The following AGPAT3 variants were observed in gnomAD, a reference collection of about 807,000 sequenced individuals.
AGPAT3 encodes the protein 1-acylglycerol-3-phosphate O-acyltransferase 3, also known as 1-acyl-sn-glycerol-3-phosphate acyltransferase gamma.
In AGPAT3, 5 loss-of-function variants were observed where a neutral mutation model predicts 47.3. The ratio of observed to expected loss-of-function variants is 0.11; its 90% CI spans 0.06 to 0.22. The LOEUF (loss-of-function observed/expected upper bound fraction) is 0.22, where lower values mean the gene tolerates loss of function less well. Ranked by LOEUF, AGPAT3 falls within the 10% of genes least tolerant of loss-of-function variation. The probability of loss-of-function intolerance (pLI) is 1.00; values close to 1 mark genes in which losing one functional copy is unlikely to be tolerated. For synonymous variants in AGPAT3, 212 were observed against 208.3 expected (o/e 1.02, Z -0.15); for missense variants, 315 against 493.0 (o/e 0.64, Z 3.42).
chr21:43,949,501 T>A (rs1442872347), intron 2 of AGPAT3, among the ~76,000 whole-genome samples: 1 of 152,222 alleles, frequency 6.6e-6, no homozygotes. Context: ...GGCAACGCTC[T>A]AAAGACTGTC....
chr21:43,946,323 G>A (rs759325808), intron 2 of AGPAT3, among the ~76,000 whole-genome samples: 1 of 152,024 alleles, frequency 6.6e-6, no homozygotes, highest in Non-Finnish European at 1.5e-5. Flanking sequence ...CATGAGGCCA[G>A]GCACAGTGGC....
chr21:43,943,670 A>G (rs1310769088), intron 2 of AGPAT3, among the ~76,000 whole-genome samples: 1 of 152,038 alleles, frequency 6.6e-6, no homozygotes, highest in Non-Finnish European at 1.5e-5. Context: ...GCCAGGCCTC[A>G]GCCGCCACGG....
chr21:43,936,832 C>T (rs573290909), intron 2 of AGPAT3, among the ~76,000 whole-genome samples: 15 of 152,314 alleles, frequency 9.8e-5, no homozygotes, highest in African/African-American at 3.1e-4. Context: ...TGTGCCTCAG[C>T]GAAAAGGGCT....
intron 2 of AGPAT3, among the ~76,000 whole-genome samples, chr21:43,928,616 A>G (rs972346848): frequency 2.6e-5 from 4 of 152,210 alleles, no homozygotes; most frequent in African/African-American, 9.6e-5. Flanking sequence ...AAGCTGATAC[A>G]TGCGCATTTT....
chr21:43,885,200 C>A (rs2085946186), intron 1 of AGPAT3, among the ~76,000 whole-genome samples: 1 of 152,168 alleles, frequency 6.6e-6, no homozygotes, highest in Non-Finnish European at 1.5e-5. Context: ...GCATGGAGCT[C>A]GCAGACGCTG....
At chr21:43,944,278 G>T (rs1338558153) in intron 2 of AGPAT3, among the ~76,000 whole-genome samples, 2 of 152,282 alleles carry the variant, frequency 1.3e-5, no homozygotes, top group African/African-American at 4.8e-5. Context: ...CCAGGAGGCC[G>T]CTGAGTGGTT....
At chr21:43,867,064 CTG>C (rs966012054) in intron 1 of AGPAT3, 2 of 152,284 alleles carry the variant, frequency 1.3e-5, no homozygotes, top group Non-Finnish European at 2.9e-5. Context: ...GGGAAGCAAA[CTG>C]AAAGTAATGG....
At chr21:43,948,198 G>T (rs2087999644) in intron 2 of AGPAT3, 1 of 152,178 alleles carries the variant, frequency 6.6e-6, no homozygotes, top group Non-Finnish European at 1.5e-5. Context: ...AGACCCTAAG[G>T]GGATCTGGGA....
At position 43,961,142 on chromosome 21, in the gene AGPAT3, A is replaced by T. The variant is rs527969548; in HGVS notation, c.178+1283A>T. On this transcript the variant is annotated intron_variant, in intron 3 of 9. Coordinates refer to ENST00000291572, the MANE Select transcript of AGPAT3 (RefSeq NM_020132.5). ...TGGGCAACAGAGCAAGACTCTGTCT[A>T]AAAAAAAAAAAAAAGAAAACAAAAA... is the stretch of plus-strand genomic sequence containing the variant. Among the ~76,000 whole-genome samples, 4 of 115,018 alleles carry T rather than the reference A, an allele frequency of 3.5e-5. No individual in the cohort carries two copies. In the South Asian group the frequency reaches 1.1e-3, roughly 32 times the overall value. The allele number at this position is 115,018 out of a possible 152,430, so 75.5% of individuals were successfully genotyped here. A position where few individuals can be genotyped will look rare whatever the true frequency, so the allele number is the denominator to read the frequency against.
At chr21:43,902,097 A>G (rs914759191) in intron 1 of AGPAT3, among the ~76,000 whole-genome samples, 1 of 152,196 alleles carries the variant, frequency 6.6e-6, no homozygotes, top group African/African-American at 2.4e-5. Flanking sequence ...ACATGAAGGA[A>G]TTCACCCCAA....
chr21:43,875,279 T>C (rs1002737257), intron 1 of AGPAT3, among the ~76,000 whole-genome samples: 5 of 152,218 alleles, frequency 3.3e-5, no homozygotes, highest in South Asian at 2.1e-4. Context: ...ACTTATAGTA[T>C]CTAATACAAT....
chr21:43,874,108 C>A (rs2085683101), intron 1 of AGPAT3, among the ~76,000 whole-genome samples: 1 of 152,194 alleles, frequency 6.6e-6, no homozygotes, highest in Non-Finnish European at 1.5e-5. Flanking sequence ...TCACTGCAAC[C>A]TCCGCCTCCC....
At chr21:43,938,085 TTCTCTC>T (rs10587738) in intron 2 of AGPAT3, among the ~76,000 whole-genome samples, 10 of 148,524 alleles carry the variant, frequency 6.7e-5, no homozygotes, top group Non-Finnish European at 1.2e-4. Flanking sequence ...CTCCCCCACT[TTCTCTC>T]TCTCTCTCTC....
chr21:43,924,918 C>T (rs3827246), intron 2 of AGPAT3: 115,474 of 152,266 alleles, frequency 0.76, 43,894 homozygotes, highest in Admixed American at 0.83. Flanking sequence ...TTTCAAGCCC[C>T]GTGTGTCTTT....
At chr21:43,944,322 G>T (rs950130552) in intron 2 of AGPAT3, among the ~76,000 whole-genome samples, 9 of 152,374 alleles carry the variant, frequency 5.9e-5, no homozygotes, top group Middle Eastern at 6.8e-3. Flanking sequence ...CTGGGCAGGG[G>T]CCACACGTCC....
chr21:43,927,921 G>A (rs1378954461), intron 2 of AGPAT3, among the ~76,000 whole-genome samples: 1 of 152,124 alleles, frequency 6.6e-6, no homozygotes, highest in Non-Finnish European at 1.5e-5. Context: ...CCTATAGGAG[G>A]CCACACAATT....
chr21:43,939,114 T>C lies in AGPAT3; in HGVS notation c.-48-20520T>C, dbSNP rs879204. On this transcript the variant is annotated intron_variant, in intron 2 of 9. Coordinates refer to ENST00000291572, the MANE Select transcript of AGPAT3 (RefSeq NM_020132.5). The surrounding 1 kb of genome is among the most constrained non-coding windows in gnomAD (Gnocchi z 4.4). ...GGGGAGCATCCTGGGCAAACCCTGC[T>C]GGGGACAGGTTCGTTGTGTCTGATG... Among the ~76,000 whole-genome samples, 2,216 of 152,294 alleles carry C rather than the reference T, an allele frequency of 0.015. 37 individuals are homozygous for C. Among genetic ancestry groups the C allele is most frequent in the Middle Eastern group, 0.061 (18 of 294 alleles).
At chr21:43,980,049 G>A (rs1339795379) in intron 8 of AGPAT3, among the ~76,000 whole-genome samples, 16 of 152,094 alleles carry the variant, frequency 1.1e-4, no homozygotes, top group Admixed American at 9.8e-4. Context: ...TTGGGAGGCC[G>A]AAGTGGGTGG....
chr21:43,955,175 A>G lies in AGPAT3; in HGVS notation c.-48-4459A>G. The G allele has an allele frequency of 7.8e-7, 1 of 1,274,498 alleles. No individual in the cohort carries two copies. The highest frequency in any genetic ancestry group is 1.0e-6 in the Non-Finnish European group (1 of 979,658). 78.9% of individuals were successfully genotyped at this position (1,274,498 alleles called of 1,614,324 possible). A position where few individuals can be genotyped will look rare whatever the true frequency, so the allele number is the denominator to read the frequency against. On this transcript the variant is annotated intron_variant, in intron 2 of 9. Transcript: ENST00000291572. The surrounding 1 kb of genome is among the most constrained non-coding windows in gnomAD (Gnocchi z 4.1). ...CTGGGTGCTGTCCCGGGGCCGTCTC[A>G]GAAGCACCGCGCTGGACCGGCTGGG...
Sources: allele counts gnomAD v4.1 joint callset (sites outside exome capture counted in the v4.1 genomes callset), GRCh38; gene constraint gnomAD v4.1.1; non-coding constraint Gnocchi (gnomAD v3.1); transcripts MANE v1.5; gene names NCBI Gene and HGNC (gene_info 2026-07-23, HGNC 2026-07-21).